ERCC1: variants seen among roughly 807,000 people sequenced by gnomAD.
ERCC1 encodes ERCC excision repair 1, endonuclease non-catalytic subunit.
A neutral mutation model predicts 37.6 loss-of-function variants in ERCC1; 36 were observed. That is an observed-to-expected ratio of 0.96 (90% CI 0.73 to 1.26). The LOEUF is 1.26. Among genes scored for constraint, ERCC1 ranks in the 50% most tolerant of loss-of-function variants. ERCC1 has a pLI of 0.00. For synonymous variants in ERCC1, 156 were observed against 162.1 expected, an observed-to-expected ratio of 0.96 and a Z score of 0.28; for missense variants, 349 against 376.5, an observed-to-expected ratio of 0.93 and a Z score of 0.60.
chr19:45,430,030 C>T (rs1008643444), intron 1 of ERCC1, among the ~76,000 whole-genome samples: 2 of 152,252 alleles, frequency 1.3e-5, no homozygotes, highest in East Asian at 1.9e-4. Flanking sequence ...GTGATCCACC[C>T]GCCTCGGCCT....
intron 8 of ERCC1, 35 bp from the exon 9 acceptor site, chr19:45,413,780 G>C: frequency 6.2e-7 from 1 of 1,611,522 alleles, no homozygotes; most frequent in Non-Finnish European, 8.5e-7. Flanking sequence ...GGGCAGTTGA[G>C]CACAAAAGCC....
intron 2 of ERCC1, 89 bp from the exon 3 acceptor site, chr19:45,421,482 CT>C: frequency 3.2e-6 from 3 of 948,676 alleles, no homozygotes; most frequent in Non-Finnish European, 3.1e-6. Context: ...CTTTCTTTTT[CT>C]TTTTTTGAGA....
chr19:45,416,637 CAAAA>C (rs376893204), intron 6 of ERCC1, 180 bp downstream of exon 6: 931 of 482,736 alleles, frequency 1.9e-3, no homozygotes, highest in Middle Eastern at 3.9e-3. Context: ...GGCTCTGTAT[CAAAA>C]AAAAAAAAAA....
At chr19:45,424,891 C>T (rs1974634889), upstream of ERCC1, among the ~76,000 whole-genome samples, 1 of 151,142 alleles carries the variant, frequency 6.6e-6, no homozygotes, top group Non-Finnish European at 1.5e-5. Flanking sequence ...CCTGCCATAA[C>T]CCAGGGTCAT....
chr19:45,423,025 T>G (rs1182055491), intron 2 of ERCC1, among the ~76,000 whole-genome samples: 2 of 152,120 alleles, frequency 1.3e-5, no homozygotes, highest in Non-Finnish European at 2.9e-5. Flanking sequence ...GCTGGCCTCG[T>G]AAAACACATC....
At chr19:45,446,954 C>T (rs190237277) in intron 1 of ERCC1, among the ~76,000 whole-genome samples, 21 of 152,062 alleles carry the variant, frequency 1.4e-4, no homozygotes, top group Admixed American at 5.2e-4. Flanking sequence ...GCCAAGAACG[C>T]GCCATTGCAC....
At chr19:45,431,110 G>A (rs929324886) in intron 1 of ERCC1, among the ~76,000 whole-genome samples, 1 of 152,044 alleles carries the variant, frequency 6.6e-6, no homozygotes, top group Admixed American at 6.6e-5. Context: ...GCACCACCAT[G>A]CCCGGCTAAT....
chr19:45,423,903 G>A lies in ERCC1; in HGVS notation c.-130C>T, dbSNP rs1296524382. 4 of 1,103,190 alleles carry A rather than the reference G, an allele frequency of 3.6e-6. No individual in the cohort carries two copies. The highest frequency in any genetic ancestry group is 9.1e-5 in the Admixed American group (2 of 21,934). 68.3% of individuals were successfully genotyped at this position (1,103,190 alleles called of 1,614,324 possible). On this transcript the variant is annotated 5_prime_UTR_variant, in exon 1 of 10. Coordinates refer to ENST00000300853, the MANE Select transcript of ERCC1 (RefSeq NM_001983.4). Reference sequence around the variant, plus strand: ...GCCAGCACGGCCAGCGTGGCCCAGGGCTCGCAGCACTTCCGGCCTCTCTGG... The same window carrying A: ...GCCAGCACGGCCAGCGTGGCCCAGGACTCGCAGCACTTCCGGCCTCTCTGG...
intron 9 of ERCC1, among the ~76,000 whole-genome samples, chr19:45,411,082 C>G (rs974251794): frequency 1.3e-5 from 2 of 152,132 alleles, no homozygotes; most frequent in Non-Finnish European, 2.9e-5. Context: ...CCTCGGCCTC[C>G]CAAAGTGCTG....
chr19:45,409,895 A>ATTATTT (rs1555785258), intron 9 of ERCC1, 170 bp from the exon 10 acceptor site: 26 of 171,634 alleles, frequency 1.5e-4, no homozygotes, highest in Middle Eastern at 2.2e-3. Flanking sequence ...TATTATTATT[A>ATTATTT]TTTTTTTTTT....
intron 9 of ERCC1, among the ~76,000 whole-genome samples, chr19:45,411,542 C>G (rs1160569076): frequency 1.3e-5 from 2 of 152,056 alleles, no homozygotes; most frequent in African/African-American, 4.8e-5. Flanking sequence ...ACCTGTAATC[C>G]CGGCACTTTG....
intron 1 of ERCC1, among the ~76,000 whole-genome samples, chr19:45,432,130 C>G (rs1974849535): frequency 1.3e-5 from 2 of 151,918 alleles, no homozygotes; most frequent in Non-Finnish European, 2.9e-5. Context: ...TGCCGCCACA[C>G]CGGGCTAATT....
chr19:45,413,994 G>A lies in ERCC1; in HGVS notation c.743C>T (p.Thr248Met), dbSNP rs1011883482. 1.3e-5 allele frequency: 21 copies of A among 1,613,772 alleles called. No homozygotes were observed. Among genetic ancestry groups the A allele is most frequent in the East Asian group, 4.5e-5 (2 of 44,888 alleles). Residue 248 changes from threonine to methionine, a missense_variant, in exon 8 of 10, where the codon ACG becomes ATG. Physicochemically the swap from Thr to Met is moderately conservative, Grantham distance 81. Transcript: ENST00000300853. ...TGTGGTCAGGAGGGTCTGACTGTCC[G>A]TTTTGTTGACTGACTTCACGGTGGT... The part of the protein sequence containing the change: ...CLTTVKSVNK[T>M]DSQTLLTTFG...
chr19:45,419,365 G>C lies in ERCC1; in HGVS notation c.426-168C>G, dbSNP rs56017284. 973 of 636,018 alleles carry C rather than the reference G, an allele frequency of 1.5e-3. 7 individuals are homozygous for C. Among genetic ancestry groups the C allele is most frequent in the African/African-American group, 0.015 (822 of 55,598 alleles). 39.4% of individuals were successfully genotyped at this position (636,018 alleles called of 1,614,324 possible). A position where few individuals can be genotyped will look rare whatever the true frequency, so the allele number is the denominator to read the frequency against. On this transcript the variant is annotated intron_variant, in intron 4 of 9. Transcript: ENST00000300853. The stretch of plus-strand genomic sequence containing the variant: ...TTGCCCCAGGTCACTCTTCCAAGAA[G>C]ATGCTCCGCAGGGATTGGCAGCCAG...
At chr19:45,411,257 G>T (rs1476721301) in intron 9 of ERCC1, among the ~76,000 whole-genome samples, 1 of 152,224 alleles carries the variant, frequency 6.6e-6, no homozygotes, top group Non-Finnish European at 1.5e-5. Flanking sequence ...CAACAAACAG[G>T]AGTGCAGATA....
intron 1 of ERCC1, among the ~76,000 whole-genome samples, chr19:45,445,305 G>A (rs1296761370): frequency 2.0e-5 from 3 of 152,070 alleles, no homozygotes; most frequent in South Asian, 2.1e-4. Context: ...TGTGAGCCAC[G>A]GCACCTGCCC....
chr19:45,408,759 C>T lies in ERCC1; in HGVS notation c.*916G>A. The T allele has an allele frequency of 6.2e-7, 1 of 1,613,722 alleles. No homozygotes were observed. Among genetic ancestry groups the T allele is most frequent in the Non-Finnish European group, 8.5e-7 (1 of 1,179,956 alleles). The stretch of plus-strand genomic sequence containing the variant: ...CCCAAAGGGAAAGAAACCTTCGAGC[C>T]AGAAGACAAGACAGTGAAGCAGGAA... On this transcript the variant is annotated 3_prime_UTR_variant, in exon 10 of 10. Coordinates refer to ENST00000300853, the MANE Select transcript of ERCC1 (RefSeq NM_001983.4).
intron 1 of ERCC1, among the ~76,000 whole-genome samples, chr19:45,436,172 T>C (rs1390068559): frequency 2.6e-5 from 4 of 152,166 alleles, no homozygotes; most frequent in Non-Finnish European, 5.9e-5. Context: ...ATCCTCTCTC[T>C]GAGCCTCAGT....
chr19:45,422,869 G>A (rs539664364), intron 2 of ERCC1, among the ~76,000 whole-genome samples: 3 of 152,286 alleles, frequency 2.0e-5, no homozygotes, highest in East Asian at 1.9e-4. Flanking sequence ...ATCACCCGTC[G>A]ATTGTTTTCC....
Sources: allele counts gnomAD v4.1 joint callset (sites outside exome capture counted in the v4.1 genomes callset), GRCh38; gene constraint gnomAD v4.1.1; transcripts MANE v1.5; gene names NCBI Gene and HGNC (gene_info 2026-07-23, HGNC 2026-07-21).